Variants in TTF1 observed in about 807,000 individuals in gnomAD.
The protein encoded by TTF1 is transcription termination factor, RNA polymerase I.
A neutral mutation model predicts 80.2 loss-of-function variants in TTF1; 64 were observed. That is an observed-to-expected ratio of 0.80 (90% CI 0.65 to 0.98). The LOEUF is 0.98. Ranked by LOEUF, TTF1 falls within the 50% of genes least tolerant of loss-of-function variation. The pLI is 0.00. For missense variants in TTF1, 1,023 were observed against 1,086.2 expected (o/e 0.94, Z 0.82); for synonymous variants, 372 against 382.7 (o/e 0.97, Z 0.33).
intron 9 of TTF1, among the ~76,000 whole-genome samples, chr9:132,380,624 T>C (rs527337372): frequency 1.6e-3 from 247 of 152,332 alleles, no homozygotes; most frequent in Middle Eastern, 3.4e-3. Context: ...AGAACTGATC[T>C]GGACGTTTTA....
intron 10 of TTF1, among the ~76,000 whole-genome samples, chr9:132,377,808 TGTGAGTGCATGTG>T (rs1849249860): frequency 9.5e-6 from 1 of 105,562 alleles, no homozygotes; most frequent in South Asian, 3.2e-4. Context: ...GTGCATGTGG[TGTGAGTGCATGTG>T]GTGTGTGTGA....
chr9:132,383,995 G>A (rs1320308332), intron 9 of TTF1, among the ~76,000 whole-genome samples: 1 of 152,172 alleles, frequency 6.6e-6, no homozygotes, highest in East Asian at 1.9e-4. Context: ...TTGTTTTGTA[G>A]AATGTATTTC....
In TTF1 at chr9:132,402,783, T is replaced by C. The variant is rs774643706; in HGVS notation, c.39A>G (p.Pro13=). The C allele has an allele frequency of 6.3e-7, 1 of 1,594,014 alleles. No homozygotes were observed. The highest frequency in any genetic ancestry group is 8.5e-7 in the Non-Finnish European group (1 of 1,173,846). ...GESSRFEIHT[P]VSDKKKKKCS... ...ACTTTTTCTTTTTCTTGTCAGAAACTGGAGTGTGGATTTCAAATCTGCTTG... is the reference window on the plus strand; with the variant it reads ...ACTTTTTCTTTTTCTTGTCAGAAACCGGAGTGTGGATTTCAAATCTGCTTG... The change falls in exon 2 of 11, where the codon CCA becomes CCG. Residue 13 remains proline (P), a synonymous_variant. Transcript: ENST00000334270.
chr9:132,395,465 G>A (rs1322240048), intron 5 of TTF1, among the ~76,000 whole-genome samples: 1 of 152,084 alleles, frequency 6.6e-6, no homozygotes, highest in African/African-American at 2.4e-5. Flanking sequence ...CCATTAACCT[G>A]CCAAAAGCAT....
At position 132,402,208 on chromosome 9, in the gene TTF1, C is replaced by T. The variant is rs1164159536; in HGVS notation, c.614G>A (p.Gly205Asp). ...EESWLSVGPG[G>D]EITELPASAH... ...AGATGCTGGTAGTTCTGTAATTTCA[C>T]CCCCTGGACCCACAGAAAGCCAGGA... The change falls in exon 2 of 11, where the codon GGT (glycine) becomes GAT (aspartate). Residue 205 changes from glycine (G) to aspartate (D), a missense_variant. Coordinates refer to ENST00000334270, the MANE Select transcript of TTF1 (RefSeq NM_007344.4). 3.7e-6 allele frequency: 6 copies of T among 1,613,942 alleles called. No homozygotes were observed. The highest frequency in any genetic ancestry group is 5.1e-6 in the Non-Finnish European group (6 of 1,180,030).
rs1310513020 is a variant in TTF1 at position 132,401,733 on chromosome 9, C to T, written c.1089G>A (p.Val363=). ...CTTCCACAGTCCCAACCTCACTGCC[C>T]ACCTGTGATCCTTCAGGGTATGCAC... ...LESAYPEGSQ[V]GSEVGTVEGS... is the part of the protein sequence containing the mutation. The change falls in exon 2 of 11, where the codon GTG becomes GTA. Residue 363 remains valine (V), a synonymous_variant. Coordinates refer to ENST00000334270, the MANE Select transcript of TTF1 (RefSeq NM_007344.4). The T allele has an allele frequency of 1.9e-6, 3 of 1,614,246 alleles. No homozygotes were observed. In the South Asian group the frequency reaches 3.3e-5, roughly 18 times the overall value.
intron 6 of TTF1, 42 bp downstream of exon 6, chr9:132,392,034 C>A (rs1232809568): frequency 6.2e-7 from 1 of 1,612,148 alleles, no homozygotes; most frequent in South Asian, 1.1e-5. Context: ...CCTGTCAGGG[C>A]TTATTTCTTC....
rs901301144 is a variant in TTF1 at position 132,398,178 on chromosome 9, G to A, written c.1740C>T (p.Thr580=). The A allele has an allele frequency of 1.9e-6, 3 of 1,586,312 alleles. No individual in the cohort carries two copies. Among genetic ancestry groups the A allele is most frequent in the South Asian group, 1.2e-5 (1 of 85,840 alleles). The change falls in exon 4 of 11, where the codon ACC becomes ACT. Residue 580 remains threonine (T), a synonymous_variant. Coordinates refer to ENST00000334270, the MANE Select transcript of TTF1 (RefSeq NM_007344.4). ...DRYPEEKSVI[T]NLKRRYSFRL... Reference sequence around the variant, plus strand: ...TAAACGAGTATCTCCTTTTTAAGTTGGTGATCACAGATTTTTCCTCAGGAT... The same window carrying A: ...TAAACGAGTATCTCCTTTTTAAGTTAGTGATCACAGATTTTTCCTCAGGAT...
chr9:132,378,580 G>GGTGTGAGTGCATGTGGT (rs1849300684), intron 10 of TTF1, among the ~76,000 whole-genome samples: 5 of 72,812 alleles, frequency 6.9e-5, no homozygotes, highest in African/African-American at 3.7e-4. Flanking sequence ...GAGTGCATGT[G>GGTGTGAGTGCATGTGGT]GTGTGTGAAT....
intron 9 of TTF1, among the ~76,000 whole-genome samples, chr9:132,380,473 T>A (rs1310645227): frequency 1.3e-5 from 2 of 152,170 alleles, no homozygotes; most frequent in Non-Finnish European, 2.9e-5. Context: ...GCCCACAGAC[T>A]TTAAGTGGAG....
At chr9:132,377,491 T>TGAGTGCATGCATGTG (rs1564181148) in intron 10 of TTF1, among the ~76,000 whole-genome samples, 7 of 11,898 alleles carry the variant, frequency 5.9e-4, no homozygotes, top group Admixed American at 4.4e-3. Flanking sequence ...GCATGTGGTG[T>TGAGTGCATGCATGTG]GTGTGAGTGC....
At chr9:132,388,268 G>T in intron 7 of TTF1, 40 bp from the exon 8 acceptor site, 1 of 1,439,626 alleles carries the variant, frequency 6.9e-7, no homozygotes, top group Non-Finnish European at 9.6e-7. Context: ...ACTTTCAAGG[G>T]TAGAGTTTTC....
chr9:132,388,429 C>T (rs1186334), intron 7 of TTF1, among the ~76,000 whole-genome samples: 139,616 of 152,042 alleles, frequency 0.92, 65,143 homozygotes, highest in Non-Finnish European at 0.99. Context: ...CTCCACCTTC[C>T]GGGTTCAAGC....
intron 3 of TTF1, among the ~76,000 whole-genome samples, chr9:132,399,441 C>T (rs75873899): frequency 0.025 from 3,807 of 152,114 alleles, 61 homozygotes; most frequent in Middle Eastern, 0.082. Flanking sequence ...GGGTCTCACA[C>T]AACAGATACT....
intron 9 of TTF1, among the ~76,000 whole-genome samples, chr9:132,385,981 C>T (rs186475617): frequency 2.5e-4 from 38 of 152,206 alleles, no homozygotes; most frequent in African/African-American, 9.2e-4. Context: ...ATAGGCACCT[C>T]GTATTTGGTG....
chr9:132,377,430 G>GT (rs1347066385), intron 10 of TTF1, among the ~76,000 whole-genome samples: 1 of 81,126 alleles, frequency 1.2e-5, no homozygotes, highest in African/African-American at 5.3e-5. Context: ...GCATGCATGT[G>GT]GTGTGAGTGC....
Position 132,401,690 on chromosome 9 carries a change from C to G in TTF1, c.1132G>C (p.Gly378Arg). Residue 378 changes from glycine (G) to arginine (R), a missense_variant, in exon 2 of 11, where the codon GGG becomes CGG. Coordinates refer to ENST00000334270, the MANE Select transcript of TTF1 (RefSeq NM_007344.4). Reference protein sequence around the residue: ...GTVEGSTALKGFKESNSTKKK... With the variant: ...GTVEGSTALKRFKESNSTKKK... ...TTTGTACTGTTGGATTCCTTGAACCCTTTAAGAGCTGTACTGCCTTCCACA... is the reference window on the plus strand; with the variant it reads ...TTTGTACTGTTGGATTCCTTGAACCGTTTAAGAGCTGTACTGCCTTCCACA... The G allele has an allele frequency of 9.3e-6, 15 of 1,614,240 alleles. No individual in the cohort carries two copies. Among genetic ancestry groups the G allele is most frequent in the Non-Finnish European group, 1.3e-5 (15 of 1,180,048 alleles).
chr9:132,405,098 A>G (rs1849841584), intron 1 of TTF1, among the ~76,000 whole-genome samples: 1 of 152,200 alleles, frequency 6.6e-6, no homozygotes, highest in Non-Finnish European at 1.5e-5. Context: ...CGTGTTAGCC[A>G]GGATGGTCTC....
intron 1 of TTF1, among the ~76,000 whole-genome samples, chr9:132,403,181 C>T (rs534862121): frequency 8.0e-4 from 122 of 152,228 alleles, no homozygotes; most frequent in African/African-American, 2.5e-3. Context: ...TTAAACATAG[C>T]CTCAGCGGAA....
Sources: gnomAD v4.1 joint callset for allele counts (sites outside exome capture counted in the v4.1 genomes callset) on GRCh38, gnomAD v4.1.1 for gene constraint, MANE v1.5 for transcripts, NCBI Gene and HGNC (gene_info 2026-07-23, HGNC 2026-07-21) for gene names.